Variants in PLPP4 observed in about 807,000 individuals in gnomAD.
The protein encoded by PLPP4 is diacylglycerol pyrophosphate like 2.
Under a neutral mutation model 32.2 loss-of-function variants are expected in PLPP4, and 20 were observed. The ratio of observed to expected loss-of-function variants is 0.62; its 90% CI spans 0.44 to 0.90. The LOEUF is 0.90. Among genes scored for constraint, PLPP4 ranks in the 40% least tolerant of loss-of-function variants. The pLI, the probability that PLPP4 is intolerant of heterozygous loss-of-function variation, is 0.00. For synonymous variants in PLPP4, 127 were observed against 133.0 expected, an observed-to-expected ratio of 0.95 and a Z score of 0.31; for missense variants, 257 against 353.1, an observed-to-expected ratio of 0.73 and a Z score of 2.18.
intron 6 of PLPP4, among the ~76,000 whole-genome samples, chr10:120,584,812 T>C (rs1849676205): frequency 6.6e-6 from 1 of 152,050 alleles, no homozygotes; most frequent in African/African-American, 2.4e-5. Flanking sequence ...GCAGCTTGGA[T>C]AGACCTTTCA....
chr10:120,461,527 C>T (rs35941698), intron 1 of PLPP4, among the ~76,000 whole-genome samples: 19,619 of 152,150 alleles, frequency 0.13, 2,367 homozygotes, highest in African/African-American at 0.32. Context: ...TCTGCAGGGT[C>T]CCCCTAGGAG....
At chr10:120,496,054 C>G (rs1844949534) in intron 1 of PLPP4, among the ~76,000 whole-genome samples, 1 of 152,126 alleles carries the variant, frequency 6.6e-6, no homozygotes, top group Admixed American at 6.5e-5. Flanking sequence ...ATGATCTGAT[C>G]TGGTTTATAT....
intron 1 of PLPP4, among the ~76,000 whole-genome samples, chr10:120,500,949 C>T (rs1845219341): frequency 6.6e-6 from 1 of 152,152 alleles, no homozygotes; most frequent in African/African-American, 2.4e-5. Flanking sequence ...AGCAACTAGT[C>T]ATCTCCAGTA....
chr10:120,477,660 C>T (rs2133808977), intron 1 of PLPP4, among the ~76,000 whole-genome samples: 1 of 152,264 alleles, frequency 6.6e-6, no homozygotes, highest in African/African-American at 2.4e-5. Flanking sequence ...CTGGCGTGGC[C>T]TTGAGCTAGG....
chr10:120,566,046 A>G (rs1304503356), intron 5 of PLPP4, among the ~76,000 whole-genome samples: 8 of 152,078 alleles, frequency 5.3e-5, no homozygotes, highest in Admixed American at 4.6e-4. Flanking sequence ...TTAAAACTCT[A>G]TTTTATTATT....
intron 6 of PLPP4, chr10:120,580,880 C>A (rs1288808677): frequency 2.3e-6 from 3 of 1,289,076 alleles, no homozygotes; most frequent in African/African-American, 1.5e-5. Context: ...TTGATGTCAC[C>A]TCATTTTCCC....
chr10:120,510,104 G>T (rs549317120), intron 2 of PLPP4, among the ~76,000 whole-genome samples: 1 of 152,286 alleles, frequency 6.6e-6, no homozygotes, highest in African/African-American at 2.4e-5. Context: ...AAGTGAATGA[G>T]TTAATTTGCA....
At chr10:120,558,408 TTTC>T (rs1323928783) in intron 5 of PLPP4, among the ~76,000 whole-genome samples, 4 of 134,874 alleles carry the variant, frequency 3.0e-5, no homozygotes, top group Non-Finnish European at 5.0e-5. Context: ...CTTTTCTTTC[TTTC>T]TTTTTTTTTT....
At chr10:120,492,240 A>G (rs576671178) in intron 1 of PLPP4, among the ~76,000 whole-genome samples, 17 of 152,278 alleles carry the variant, frequency 1.1e-4, no homozygotes, top group African/African-American at 4.1e-4. Context: ...TGTTCAGACA[A>G]TGAAAATATT....
chr10:120,518,735 G>A, intron 3 of PLPP4, 98 bp from the exon 4 acceptor site: 1 of 957,148 alleles, frequency 1.0e-6, no homozygotes, highest in Non-Finnish European at 1.6e-6. Context: ...TCATTAAATA[G>A]TATTATAATG....
At chr10:120,461,617 G>T (rs1226934930) in intron 1 of PLPP4, among the ~76,000 whole-genome samples, 3 of 152,216 alleles carry the variant, frequency 2.0e-5, no homozygotes, top group Admixed American at 6.5e-5. Context: ...GAGCTCTTAG[G>T]ATGCAAGAGG....
At position 120,493,686 on chromosome 10, in the gene PLPP4, G is replaced by A. The variant is rs559591538; in HGVS notation, c.57-10132G>A. On this transcript the variant is annotated intron_variant, in intron 1 of 6. Coordinates refer to ENST00000398250, the MANE Select transcript of PLPP4 (RefSeq NM_001030059.3). ...CCATCCTACCCCAGTGTGTTTAGGA[G>A]GGTACAGCAGTAGAGTACGTGTTTT... Among the ~76,000 whole-genome samples the A allele has an allele frequency of 3.3e-5, 5 of 152,252 alleles. No homozygotes were observed. In the South Asian group the frequency reaches 1.0e-3, roughly 32 times the overall value.
At chr10:120,494,028 G>A (rs1156552641) in intron 1 of PLPP4, among the ~76,000 whole-genome samples, 1 of 152,158 alleles carries the variant, frequency 6.6e-6, no homozygotes, top group Admixed American at 6.5e-5. Context: ...ACTATTCTGA[G>A]ATAAGCAGAA....
At chr10:120,573,728 A>G (rs1322085049) in intron 5 of PLPP4, among the ~76,000 whole-genome samples, 2 of 152,196 alleles carry the variant, frequency 1.3e-5, no homozygotes, top group Non-Finnish European at 2.9e-5. Flanking sequence ...TCTCTTATAA[A>G]GACAATGAAT....
At position 120,575,320 on chromosome 10, in the gene PLPP4, C is replaced by A; in HGVS notation, c.616+19C>A. 1 of 1,606,286 alleles carries A rather than the reference C, an allele frequency of 6.2e-7. No homozygotes were observed. The highest frequency in any genetic ancestry group is 1.1e-5 in the South Asian group (1 of 90,648). On this transcript the variant is annotated intron_variant, in intron 6 of 6. Coordinates refer to ENST00000398250, the MANE Select transcript of PLPP4 (RefSeq NM_001030059.3). The stretch of plus-strand genomic sequence containing the variant: ...TGGCAAGGTGAGTCCCTGCCCAGGG[C>A]CTGACTAGTCCTCACTGTGGTTGCC...
rs1589947620 is a variant in PLPP4, at chr10:120,590,284, C to A, written c.*782C>A. The stretch of plus-strand genomic sequence containing the variant: ...GAATTTTTGGGGCACGGGGGCTTTA[C>A]TTGGCTCTTCTGCAAGAAGTGATGT... On this transcript the variant is annotated 3_prime_UTR_variant, in exon 7 of 7. Coordinates refer to ENST00000398250, the MANE Select transcript of PLPP4 (RefSeq NM_001030059.3). Among the ~76,000 whole-genome samples the A allele has an allele frequency of 1.3e-5, 2 of 152,310 alleles. No homozygotes were observed. Among genetic ancestry groups the A allele is most frequent in the East Asian group, 3.9e-4 (2 of 5,188 alleles).
chr10:120,485,912 C>T (rs996461236), intron 1 of PLPP4, among the ~76,000 whole-genome samples: 2 of 152,142 alleles, frequency 1.3e-5, no homozygotes, highest in African/African-American at 2.4e-5. Context: ...AAAAGCTCAA[C>T]GATGGAGCCT....
chr10:120,503,042 G>A (rs765631307), intron 1 of PLPP4, among the ~76,000 whole-genome samples: 4 of 152,158 alleles, frequency 2.6e-5, no homozygotes, highest in Admixed American at 6.5e-5. Flanking sequence ...GACAGCTGCC[G>A]CAACCCCAGC....
At chr10:120,581,710 G>T (rs1339570937) in intron 6 of PLPP4, among the ~76,000 whole-genome samples, 3 of 150,342 alleles carry the variant, frequency 2.0e-5, no homozygotes, top group Non-Finnish European at 4.4e-5. Flanking sequence ...GGCGTGGCTT[G>T]TTCTCCTCTC....
Sources: allele counts gnomAD v4.1 joint callset (sites outside exome capture counted in the v4.1 genomes callset), GRCh38; gene constraint gnomAD v4.1.1; transcripts MANE v1.5; gene names NCBI Gene and HGNC (gene_info 2026-07-23, HGNC 2026-07-21).